The following FGD5 variants were observed in gnomAD, a reference collection of about 807,000 sequenced individuals.
FGD5 encodes FYVE, RhoGEF and PH domain containing 5.
FGD5 carries 28 observed loss-of-function variants against 133.4 expected under a neutral mutation model. That is an observed-to-expected ratio of 0.21 (90% CI 0.16 to 0.29). The LOEUF is 0.29. Among genes scored for constraint, FGD5 ranks in the 10% least tolerant of loss-of-function variants. FGD5 has a pLI of 1.00. For missense variants in FGD5, 1,858 were observed against 1,895.2 expected (o/e 0.98, Z 0.36); for synonymous variants, 810 against 776.5 (o/e 1.04, Z -0.72).
chr3:14,846,202 T>C (rs1012889304), intron 1 of FGD5, among the ~76,000 whole-genome samples: 2 of 152,120 alleles, frequency 1.3e-5, no homozygotes, highest in African/African-American at 4.8e-5. Flanking sequence ...GCTTGAAATG[T>C]GGGAGAGGCA....
chr3:14,926,179 A>G lies in FGD5; in HGVS notation c.4178A>G (p.Tyr1393Cys). 6.2e-7 allele frequency: 1 copy of G among 1,613,604 alleles called. No homozygotes were observed. Among genetic ancestry groups the G allele is most frequent in the Non-Finnish European group, 8.5e-7 (1 of 1,179,680 alleles). The change falls in exon 18 of 20, where the codon TAC (tyrosine) becomes TGC (cysteine). Residue 1393 changes from tyrosine (Y) to cysteine (C), a missense_variant. Tyr to Cys is a radical substitution (Grantham distance 194, BLOSUM62 -2). Coordinates refer to ENST00000285046, the MANE Select transcript of FGD5 (RefSeq NM_152536.4). The stretch of plus-strand genomic sequence containing the variant: ...TTTGTCATCAAAGGCAAAGTTCTCT[A>G]CACCTACATGGCCAGTGAGGTAGTA... ...LWFVIKGKVL[Y>C]TYMASEDKVA...
At position 14,821,155 on chromosome 3, in the gene FGD5, T is replaced by A. The variant is rs2036491676; in HGVS notation, c.2084T>A (p.Val695Asp). ...SYHGPSRILE[V>D]DRRSLSNSPQ... Reference sequence around the variant, plus strand: ...CACGGGCCTTCCAGGATTCTGGAAGTTGACCGGAGAAGCCTCAGCAACTCC... The same window carrying A: ...CACGGGCCTTCCAGGATTCTGGAAGATGACCGGAGAAGCCTCAGCAACTCC... Residue 695 changes from valine to aspartate, a missense_variant, in exon 1 of 20, where the codon GTT (valine) becomes GAT (aspartate). Around this residue, in one of 3 missense-constraint regions of FGD5, gnomAD observed 1,824 missense variants for 1,848.9 expected, o/e 0.99. Transcript: ENST00000285046. The A allele has an allele frequency of 1.2e-6, 2 of 1,613,942 alleles. No homozygotes were observed. Among genetic ancestry groups the A allele is most frequent in the East Asian group, 4.5e-5 (2 of 44,868 alleles).
chr3:14,832,634 A>C (rs956629814), intron 1 of FGD5, among the ~76,000 whole-genome samples: 1 of 152,110 alleles, frequency 6.6e-6, no homozygotes, highest in South Asian at 2.1e-4. Context: ...CATGACTTTT[A>C]AGCCAGTAAG....
At chr3:14,878,794 C>T (rs1001787074) in intron 2 of FGD5, among the ~76,000 whole-genome samples, 3 of 149,434 alleles carry the variant, frequency 2.0e-5, no homozygotes, top group South Asian at 2.1e-4. Context: ...GGCGCAATCT[C>T]GGCTCACTAC....
In FGD5 at chr3:14,819,497, T is replaced by A; in HGVS notation, c.426T>A (p.Ala142=). 6.4e-7 allele frequency: 1 copy of A among 1,551,200 alleles called. No individual in the cohort carries two copies. Among genetic ancestry groups the A allele is most frequent in the Non-Finnish European group, 8.7e-7 (1 of 1,146,928 alleles). ...AGGGTGAGGAAGGCACAGACCTTGCTCTTGAGGATGAAGGGGAGGGCTGCG... is the reference window on the plus strand; with the variant it reads ...AGGGTGAGGAAGGCACAGACCTTGCACTTGAGGATGAAGGGGAGGGCTGCG... The part of the protein sequence containing the change: ...SREGEEGTDL[A]LEDEGEGCAD... The change falls in exon 1 of 20, where the codon GCT becomes GCA. Residue 142 remains alanine, a synonymous_variant. Transcript: ENST00000285046. The surrounding 1 kb of genome is among the most constrained non-coding windows in gnomAD (Gnocchi z 4.1).
chr3:14,927,347 C>G (rs1265931775), intron 18 of FGD5, among the ~76,000 whole-genome samples: 1 of 152,146 alleles, frequency 6.6e-6, no homozygotes, highest in Non-Finnish European at 1.5e-5. Context: ...ATTTAGGGGC[C>G]TGGCATGGTG....
intron 1 of FGD5, among the ~76,000 whole-genome samples, chr3:14,844,585 G>A (rs572081472): frequency 1.8e-4 from 28 of 152,054 alleles, no homozygotes; most frequent in Non-Finnish European, 3.5e-4. Context: ...GACCAGACAG[G>A]CAGAGGTAGG....
intron 12 of FGD5, 100 bp from the exon 13 acceptor site, chr3:14,918,654 A>G: frequency 8.5e-7 from 1 of 1,175,562 alleles, no homozygotes; most frequent in Non-Finnish European, 1.3e-6. Flanking sequence ...GAACGGCAGT[A>G]GGTGGACATG....
chr3:14,817,204 C>CT (rs544171549), upstream of FGD5, among the ~76,000 whole-genome samples: 1 of 151,840 alleles, frequency 6.6e-6, no homozygotes, highest in Non-Finnish European at 1.5e-5. Flanking sequence ...ATTACTTTTA[C>CT]TTTTTTTTGA....
In FGD5 at chr3:14,917,109, C is replaced by T. The variant is rs2038570991; in HGVS notation, c.3406-140C>T. The T allele has an allele frequency of 1.6e-6, 1 of 634,578 alleles. No individual in the cohort carries two copies. Among genetic ancestry groups the T allele is most frequent in the Admixed American group, 3.4e-5 (1 of 29,598 alleles). 39.3% of individuals were successfully genotyped at this position (634,578 alleles called of 1,614,324 possible). A position where few individuals can be genotyped will look rare whatever the true frequency, so the allele number is the denominator to read the frequency against. Reference sequence around the variant, plus strand: ...AAGGAAGGGGCTCACATTTTGGCCGCAACGTTTTTGCTCACCTGTGGGGGT... The same window carrying T: ...AAGGAAGGGGCTCACATTTTGGCCGTAACGTTTTTGCTCACCTGTGGGGGT... On this transcript the variant is annotated intron_variant, in intron 11 of 19. Coordinates refer to ENST00000285046, the MANE Select transcript of FGD5 (RefSeq NM_152536.4). The surrounding 1 kb of genome is among the most constrained non-coding windows in gnomAD (Gnocchi z 4.1).
At chr3:14,862,317 G>T (rs923121492) in intron 1 of FGD5, among the ~76,000 whole-genome samples, 22 of 152,336 alleles carry the variant, frequency 1.4e-4, no homozygotes, top group African/African-American at 5.3e-4. Context: ...TGGAAAAAGG[G>T]TTGCAAATTG....
intron 2 of FGD5, among the ~76,000 whole-genome samples, chr3:14,868,051 C>T (rs1487666250): frequency 1.3e-5 from 2 of 152,026 alleles, no homozygotes; most frequent in African/African-American, 2.4e-5. Flanking sequence ...GACCTCTCCT[C>T]GCTCCCACTC....
At chr3:14,920,434 ATTAC>A (rs1044520960) in intron 13 of FGD5, 46 of 151,994 alleles carry the variant, frequency 3.0e-4, no homozygotes, top group Admixed American at 9.2e-4. Context: ...AGGCTGAAGG[ATTAC>A]TTGAGGCCAG....
chr3:14,908,748 T>A (rs1358119272), intron 10 of FGD5, among the ~76,000 whole-genome samples: 1 of 150,996 alleles, frequency 6.6e-6, no homozygotes, highest in Non-Finnish European at 1.5e-5. Context: ...TAGCCAGATG[T>A]GGTGGCCTGT....
chr3:14,868,383 A>C (rs11710550), intron 2 of FGD5, among the ~76,000 whole-genome samples: 14,189 of 152,132 alleles, frequency 0.093, 833 homozygotes, highest in East Asian at 0.3. Context: ...CCTGCCCAGC[A>C]GGGCCCACAT....
At chr3:14,910,667 A>T (rs563473396) in intron 10 of FGD5, among the ~76,000 whole-genome samples, 194 bp from the exon 11 acceptor site, 127 of 152,300 alleles carry the variant, frequency 8.3e-4, no homozygotes, top group African/African-American at 2.9e-3. Flanking sequence ...CACCTCTCTC[A>T]TGAGCAGGGA....
rs1462414809 is a variant in FGD5, at chr3:14,820,176, G to A, written c.1105G>A (p.Ala369Thr). 1 of 1,613,916 alleles carries A rather than the reference G, an allele frequency of 6.2e-7. No individual in the cohort carries two copies. The change falls in exon 1 of 20, where the codon GCG becomes ACG. Residue 369 changes from alanine (A) to threonine (T), a missense_variant. By Grantham distance (58) the Ala-to-Thr change is moderately conservative. This residue lies in a region of FGD5 where 1,824 missense variants were observed against 1,848.9 expected (regional missense o/e 0.99). Transcript: ENST00000285046. ...GAGCTGTTCTCCTCTTTCTGAATCAGCGAAAGGTTTAGAATCAGAGCAGGC... is the reference window on the plus strand; with the variant it reads ...GAGCTGTTCTCCTCTTTCTGAATCAACGAAAGGTTTAGAATCAGAGCAGGC... ...SESCSPLSES[A>T]KGLESEQAPK...
At chr3:14,854,300 C>G (rs1318008214) in intron 1 of FGD5, among the ~76,000 whole-genome samples, 8 of 152,258 alleles carry the variant, frequency 5.3e-5, no homozygotes, top group African/African-American at 1.9e-4. Flanking sequence ...CCATAGTACT[C>G]CTGTAATGAC....
In FGD5 at chr3:14,820,247, T is replaced by C; in HGVS notation, c.1176T>C (p.Ala392=). Residue 392 remains alanine, a synonymous_variant, in exon 1 of 20, where the codon GCT becomes GCC. Coordinates refer to ENST00000285046, the MANE Select transcript of FGD5 (RefSeq NM_152536.4). ...CGGAGGAGAACCCCATGGTGGGGGC[T>C]TTGTGTGGCCAGTGTGGCTCCCTAC... ...LRAEENPMVG[A]LCGQCGSLQG... is the part of the protein sequence containing the mutation. The C allele has an allele frequency of 6.2e-7, 1 of 1,604,968 alleles. No individual in the cohort carries two copies. Among genetic ancestry groups the C allele is most frequent in the Non-Finnish European group, 8.5e-7 (1 of 1,174,824 alleles).
Sources: gnomAD v4.1 joint callset for allele counts (sites outside exome capture counted in the v4.1 genomes callset) on GRCh38, gnomAD v4.1.1 for gene constraint, gnomAD v4.1.1 regional missense constraint, Gnocchi (gnomAD v3.1) non-coding constraint, MANE v1.5 for transcripts, NCBI Gene and HGNC (gene_info 2026-07-23, HGNC 2026-07-21) for gene names.